Variants in LTV1 observed in about 807,000 individuals in gnomAD.
The protein encoded by LTV1 is protein LTV1 homolog.
LTV1 carries 39 observed loss-of-function variants against 59.9 expected under a neutral mutation model. The observed-to-expected ratio is 0.65, with a 90% CI of 0.50 to 0.85. The LOEUF (loss-of-function observed/expected upper bound fraction) is 0.85, where lower values mean the gene tolerates loss of function less well. LTV1 is among the 40% of genes least tolerant of loss of function. LTV1 has a pLI of 0.00. For synonymous variants in LTV1, 171 were observed against 189.5 expected, an observed-to-expected ratio of 0.90 and a Z score of 0.80; for missense variants, 493 against 549.1, an observed-to-expected ratio of 0.90 and a Z score of 1.02.
intron 4 of LTV1, among the ~76,000 whole-genome samples, chr6:143,851,336 G>A (rs1223906266): frequency 1.3e-5 from 2 of 152,070 alleles, no homozygotes; most frequent in Admixed American, 1.3e-4. Context: ...ATTTATAGAT[G>A]GAAGAACATA....
rs1248287769 is a variant in LTV1, at chr6:143,857,571, T to C, written c.539+127T>C. 4.5e-6 allele frequency: 5 copies of C among 1,110,226 alleles called. No homozygotes were observed. Among genetic ancestry groups the C allele is most frequent in the East Asian group, 2.4e-5 (1 of 42,342 alleles). The allele number at this position is 1,110,226 out of a possible 1,614,324, so 68.8% of individuals were successfully genotyped here. ...CATTTAATCTGAGACTTCTGTATTT[T>C]AGAGCAGAAAATGTGAGATTCATTG... On this transcript the variant is annotated intron_variant, in intron 5 of 10. Coordinates refer to ENST00000367576, the MANE Select transcript of LTV1 (RefSeq NM_032860.5). This position sits in a 1 kb window ranked among gnomAD's most constrained non-coding sequence, Gnocchi z 5.2.
intron 3 of LTV1, among the ~76,000 whole-genome samples, chr6:143,846,716 G>A (rs1467971841): frequency 6.6e-6 from 1 of 152,084 alleles, no homozygotes; most frequent in Non-Finnish European, 1.5e-5. Flanking sequence ...TTCTCTTTCA[G>A]GACAAATGAT....
At chr6:143,849,984 A>G (rs1477736359) in intron 3 of LTV1, 147 bp from the exon 4 acceptor site, 3 of 588,718 alleles carry the variant, frequency 5.1e-6, no homozygotes, top group Middle Eastern at 2.6e-4. Flanking sequence ...GTAAGACCTC[A>G]TCTTATTATA....
At position 143,862,799 on chromosome 6, in the gene LTV1, C is replaced by A; in HGVS notation, c.1064-45C>A. 3 of 1,227,982 alleles carry A rather than the reference C, an allele frequency of 2.4e-6. No individual in the cohort carries two copies. Among genetic ancestry groups the A allele is most frequent in the Non-Finnish European group, 3.6e-6 (3 of 829,186 alleles). 76.1% of individuals were successfully genotyped at this position (1,227,982 alleles called of 1,614,324 possible). A position where few individuals can be genotyped will look rare whatever the true frequency, so the allele number is the denominator to read the frequency against. On this transcript the variant is annotated intron_variant, in intron 8 of 10. Coordinates refer to ENST00000367576, the MANE Select transcript of LTV1 (RefSeq NM_032860.5). The surrounding 1 kb of genome is among the most constrained non-coding windows in gnomAD (Gnocchi z 4.2). ...AGGAATTCAGTAATGCTTTGTGGAA[C>A]TGAAAACATGCTTACTGATACATGA...
At chr6:143,854,095 G>C (rs1777034564) in intron 4 of LTV1, among the ~76,000 whole-genome samples, 1 of 152,134 alleles carries the variant, frequency 6.6e-6, no homozygotes, top group Non-Finnish European at 1.5e-5. Flanking sequence ...CTTCTCTTTT[G>C]GTTGGTAGGC....
intron 4 of LTV1, among the ~76,000 whole-genome samples, chr6:143,851,570 T>C (rs1776983860): frequency 6.6e-6 from 1 of 152,156 alleles, no homozygotes; most frequent in African/African-American, 2.4e-5. Context: ...ATCATTTCTT[T>C]TTTCATTTTT....
Position 143,862,870 on chromosome 6 carries a change from C to T in LTV1, c.1090C>T (p.Pro364Ser), listed in dbSNP as rs1264265994. The T allele has an allele frequency of 1.3e-6, 2 of 1,593,894 alleles. No individual in the cohort carries two copies. Among genetic ancestry groups the T allele is most frequent in the Non-Finnish European group, 1.7e-6 (2 of 1,161,754 alleles). The change falls in exon 9 of 11, where the codon CCA becomes TCA. Residue 364 changes from proline (P) to serine (S), a missense_variant. Physicochemically the swap from Pro to Ser is moderately conservative, Grantham distance 74 (BLOSUM62 -1). Coordinates refer to ENST00000367576, the MANE Select transcript of LTV1 (RefSeq NM_032860.5). The surrounding 1 kb of genome is among the most constrained non-coding windows in gnomAD (Gnocchi z 4.2). ...CSTYSNLYNH[P>S]QLIKYQPKPK... ...TACATACTCAAATTTATATAACCAT[C>T]CACAGCTTATCAAGTATCAACCAAA...
Position 143,855,510 on chromosome 6 carries a change from C to G in LTV1, c.398-1793C>G, listed in dbSNP as rs1005052570. ...TATGATGCTAGCTGGTTATTTTGCCCATTAGTTTATGCAGTTTCTTCTTAG... is the reference window on the plus strand; with the variant it reads ...TATGATGCTAGCTGGTTATTTTGCCGATTAGTTTATGCAGTTTCTTCTTAG... On this transcript the variant is annotated intron_variant, in intron 4 of 10. Transcript: ENST00000367576. The surrounding 1 kb of genome is among the most constrained non-coding windows in gnomAD (Gnocchi z 4.6). Among the ~76,000 whole-genome samples the G allele has an allele frequency of 2.6e-5, 4 of 152,060 alleles. No homozygotes were observed. The highest frequency in any genetic ancestry group is 7.2e-5 in the African/African-American group (3 of 41,384).
rs375890797 is a variant in LTV1, at chr6:143,862,961, G to A, written c.1116+65G>A. 64 of 1,463,970 alleles carry A rather than the reference G, an allele frequency of 4.4e-5. No individual in the cohort carries two copies. The Middle Eastern group carries it at 8.6e-4, about 20-fold the overall frequency. The allele number at this position is 1,463,970 out of a possible 1,614,324, so 90.7% of individuals were successfully genotyped here. A position where few individuals can be genotyped will look rare whatever the true frequency, so the allele number is the denominator to read the frequency against. On this transcript the variant is annotated intron_variant, in intron 9 of 10. Coordinates refer to ENST00000367576, the MANE Select transcript of LTV1 (RefSeq NM_032860.5). This position sits in a 1 kb window ranked among gnomAD's most constrained non-coding sequence, Gnocchi z 4.2. ...CATAAAAAATAGAGTGCACATTTTC[G>A]CACAATAACTTTTTATCTTTATGGC...
intron 3 of LTV1, among the ~76,000 whole-genome samples, chr6:143,847,832 T>C (rs1776918271): frequency 6.6e-6 from 1 of 152,184 alleles, no homozygotes; most frequent in Non-Finnish European, 1.5e-5. Context: ...TGAAAAAATA[T>C]GGATTAGTCC....
chr6:143,860,959 G>A (rs183137864), intron 7 of LTV1, among the ~76,000 whole-genome samples: 13 of 151,176 alleles, frequency 8.6e-5, no homozygotes, highest in South Asian at 4.2e-4. Flanking sequence ...GCAGTGGTGC[G>A]ATCTCAGCTC....
At chr6:143,850,256 G>A in intron 4 of LTV1, 38 bp downstream of exon 4, 1 of 1,496,258 alleles carries the variant, frequency 6.7e-7, no homozygotes, top group Non-Finnish European at 9.3e-7. Context: ...ATGGATAAAT[G>A]TATTTTGCAA....
chr6:143,845,970 C>A, intron 2 of LTV1, 81 bp from the exon 3 acceptor site: 1 of 1,358,776 alleles, frequency 7.4e-7, no homozygotes, highest in Non-Finnish European at 1.0e-6. Flanking sequence ...GTAATATTCC[C>A]ATGCCTTATC....
Position 143,857,269 on chromosome 6 carries a change from G to A in LTV1, c.398-34G>A. 6.2e-7 allele frequency: 1 copy of A among 1,610,374 alleles called. No individual in the cohort carries two copies. ...TAAGTGAATGAATTGTTGCTATCTTGGGAATTACTGCTTAATTTTTGTTTT... is the reference window on the plus strand; with the variant it reads ...TAAGTGAATGAATTGTTGCTATCTTAGGAATTACTGCTTAATTTTTGTTTT... On this transcript the variant is annotated intron_variant, in intron 4 of 10. Transcript: ENST00000367576. This position sits in a 1 kb window ranked among gnomAD's most constrained non-coding sequence, Gnocchi z 5.2.
At chr6:143,846,270 C>G in intron 3 of LTV1, 46 bp downstream of exon 3, 1 of 1,557,850 alleles carries the variant, frequency 6.4e-7, no homozygotes, top group Non-Finnish European at 8.8e-7. Context: ...GTGAAGAAAT[C>G]ATTTTTGAAT....
rs566425706 is a variant in LTV1, at chr6:143,844,685, T to A, written c.135+68T>A. The stretch of plus-strand genomic sequence containing the variant: ...AGTTTTTTTTTTCTTTTTTTTTTTT[T>A]AAATAAATAGAGTCTTAGCACGTTG... On this transcript the variant is annotated intron_variant, in intron 2 of 10. Transcript: ENST00000367576. 1.7e-3 allele frequency: 2,172 copies of A among 1,255,300 alleles called. 27 individuals are homozygous for A. In the African/African-American group the frequency reaches 0.03, roughly 17 times the overall value. 77.8% of individuals were successfully genotyped at this position (1,255,300 alleles called of 1,614,324 possible).
At chr6:143,848,381 T>A (rs980229088) in intron 3 of LTV1, among the ~76,000 whole-genome samples, 1 of 152,206 alleles carries the variant, frequency 6.6e-6, no homozygotes, top group Admixed American at 6.5e-5. Flanking sequence ...AAAAATATAC[T>A]CTACAGCAAA....
At chr6:143,847,268 T>G (rs969314353) in intron 3 of LTV1, among the ~76,000 whole-genome samples, 3 of 152,208 alleles carry the variant, frequency 2.0e-5, no homozygotes, top group Non-Finnish European at 4.4e-5. Context: ...AGAGAAGGGG[T>G]TCCTTAGTGG....
rs769616224 is a variant in LTV1 at position 143,857,438 on chromosome 6, A to G, written c.533A>G (p.Asp178Gly). ...GCAACAGGAGAGGAAGAGGGAATGG[A>G]TATACAGTATGTGTGGTTTGTTTCA... Reference protein sequence around the residue: ...NKATGEEEGMDIQKSENEDDS... With the variant: ...NKATGEEEGMGIQKSENEDDS... Residue 178 changes from aspartate (D) to glycine (G), a missense_variant, in exon 5 of 11, where the codon GAT (aspartate) becomes GGT (glycine). Transcript: ENST00000367576. The surrounding 1 kb of genome is among the most constrained non-coding windows in gnomAD (Gnocchi z 5.2). 4 of 1,613,296 alleles carry G rather than the reference A, an allele frequency of 2.5e-6. No individual in the cohort carries two copies. The highest frequency in any genetic ancestry group is 3.3e-5 in the Admixed American group (2 of 59,994).
Sources: allele counts gnomAD v4.1 joint callset (sites outside exome capture counted in the v4.1 genomes callset), GRCh38; gene constraint gnomAD v4.1.1; non-coding constraint Gnocchi (gnomAD v3.1); transcripts MANE v1.5; gene names NCBI Gene and HGNC (gene_info 2026-07-23, HGNC 2026-07-21).